Variants in MAGI2 observed in about 807,000 individuals in gnomAD.
MAGI2 encodes the protein membrane associated guanylate kinase, WW and PDZ domain containing 2, also known as membrane-associated guanylate kinase, WW and PDZ domain-containing protein 2.
Under a neutral mutation model 133.3 loss-of-function variants are expected in MAGI2, and 35 were observed. The observed-to-expected ratio is 0.26, with a 90% confidence interval of 0.20 to 0.35. The LOEUF (loss-of-function observed/expected upper bound fraction) is 0.35, where lower values mean the gene tolerates loss of function less well. MAGI2 is among the 10% of genes least tolerant of loss of function. MAGI2 has a pLI of 1.00. For synonymous variants in MAGI2, 729 were observed against 710.6 expected, an observed-to-expected ratio of 1.03 and a Z score of -0.41; for missense variants, 1,636 against 1,863.4, an observed-to-expected ratio of 0.88 and a Z score of 2.25.
intron 1 of MAGI2, among the ~76,000 whole-genome samples, chr7:79,348,441 T>C (rs1256224792): frequency 1.3e-4 from 19 of 151,890 alleles, no homozygotes; most frequent in Admixed American, 1.2e-3. Flanking sequence ...TACATAACTA[T>C]AGTTTGGATT....
chr7:79,234,900 C>G (rs1831736125), intron 1 of MAGI2, among the ~76,000 whole-genome samples: 1 of 151,946 alleles, frequency 6.6e-6, no homozygotes, highest in Non-Finnish European at 1.5e-5. Flanking sequence ...TTTTTCTGTT[C>G]TGTTTTTTCC....
intron 2 of MAGI2, among the ~76,000 whole-genome samples, chr7:78,863,675 T>C (rs940373370): frequency 6.6e-6 from 1 of 152,174 alleles, no homozygotes; most frequent in Admixed American, 6.5e-5. Flanking sequence ...CTGATTAAGC[T>C]CTGAACTTTG....
chr7:78,385,022 G>T (rs569717605), intron 6 of MAGI2, among the ~76,000 whole-genome samples: 1 of 152,138 alleles, frequency 6.6e-6, no homozygotes, highest in Non-Finnish European at 1.5e-5. Context: ...TGCTTTTGCC[G>T]TGAAACGCAT....
At chr7:78,498,352 C>G (rs745330202) in intron 5 of MAGI2, among the ~76,000 whole-genome samples, 26 of 152,158 alleles carry the variant, frequency 1.7e-4, no homozygotes, top group Non-Finnish European at 3.7e-4. Flanking sequence ...CAATCACTGT[C>G]TCGTATTCTA....
chr7:78,961,442 C>T (rs1050334879), intron 2 of MAGI2, among the ~76,000 whole-genome samples: 2 of 152,084 alleles, frequency 1.3e-5, no homozygotes, highest in Non-Finnish European at 2.9e-5. Flanking sequence ...TTGGCTCTTA[C>T]TGGATTACGT....
intron 2 of MAGI2, chr7:78,901,411 C>T (rs371458144): frequency 6.6e-6 from 1 of 152,182 alleles, no homozygotes; most frequent in African/African-American, 2.4e-5. Flanking sequence ...TCCACGGTAC[C>T]GATGATAGCT....
chr7:78,544,947 C>G (rs902054714), intron 3 of MAGI2, among the ~76,000 whole-genome samples: 2 of 151,728 alleles, frequency 1.3e-5, no homozygotes, highest in African/African-American at 4.8e-5. Flanking sequence ...GCGTGAGCCA[C>G]CGCACCTGGC....
intron 2 of MAGI2, among the ~76,000 whole-genome samples, chr7:78,691,466 A>G (rs1350045963): frequency 1.3e-5 from 2 of 152,196 alleles, no homozygotes; most frequent in Non-Finnish European, 2.9e-5. Flanking sequence ...ATAACAGGGT[A>G]CTTAGATGAA....
At chr7:78,353,746 A>G (rs976591) in intron 7 of MAGI2, among the ~76,000 whole-genome samples, 137,821 of 152,198 alleles carry the variant, frequency 0.91, 62,589 homozygotes, top group African/African-American at 0.97. Context: ...GAGGTGCTCA[A>G]TAATATTCAA....
intron 20 of MAGI2, among the ~76,000 whole-genome samples, chr7:78,109,640 A>G (rs896012807): frequency 3.9e-5 from 6 of 152,172 alleles, no homozygotes; most frequent in African/African-American, 1.4e-4. Context: ...TCAAAACAAA[A>G]CAAAACAAAA....
intron 20 of MAGI2, among the ~76,000 whole-genome samples, chr7:78,119,904 AC>A (rs1820262457): frequency 6.6e-6 from 1 of 152,244 alleles, no homozygotes; most frequent in South Asian, 2.1e-4. Context: ...AAAATAAAAC[AC>A]AAAAAGTACC....
intron 6 of MAGI2, among the ~76,000 whole-genome samples, chr7:78,419,329 G>A (rs373086840): frequency 1.1e-4 from 16 of 152,174 alleles, no homozygotes; most frequent in East Asian, 5.8e-4. Context: ...GCAAGCCTGC[G>A]TTTTATAACT....
intron 2 of MAGI2, among the ~76,000 whole-genome samples, chr7:78,847,726 T>C (rs943975999): frequency 7.9e-5 from 12 of 152,130 alleles, no homozygotes; most frequent in Non-Finnish European, 1.5e-4. Flanking sequence ...CTGATCACTC[T>C]ATCTAAAATG....
intron 9 of MAGI2, among the ~76,000 whole-genome samples, chr7:78,308,531 T>G (rs2151089467): frequency 6.6e-6 from 1 of 152,166 alleles, no homozygotes; most frequent in East Asian, 1.9e-4. Context: ...ACCCATCTTT[T>G]TTTTTTTCTT....
chr7:79,337,086 A>G (rs748482331), intron 1 of MAGI2, among the ~76,000 whole-genome samples: 3 of 152,164 alleles, frequency 2.0e-5, no homozygotes, highest in Non-Finnish European at 4.4e-5. Context: ...GTATCCCATA[A>G]CATCATGTTA....
chr7:78,561,800 G>A (rs1697370815), intron 3 of MAGI2, among the ~76,000 whole-genome samples: 2 of 152,198 alleles, frequency 1.3e-5, no homozygotes, highest in South Asian at 4.1e-4. Flanking sequence ...GGCAGGAAAG[G>A]TTGCAGGGGA....
intron 3 of MAGI2, among the ~76,000 whole-genome samples, chr7:78,570,897 G>C (rs1801431153): frequency 6.6e-6 from 1 of 152,084 alleles, no homozygotes; most frequent in Non-Finnish European, 1.5e-5. Flanking sequence ...CTTAGTTCTT[G>C]ACATTGCAAG....
intron 2 of MAGI2, among the ~76,000 whole-genome samples, chr7:78,729,144 A>C (rs1248092173): frequency 6.6e-6 from 1 of 152,192 alleles, no homozygotes; most frequent in Non-Finnish European, 1.5e-5. Flanking sequence ...TCTTGTGATT[A>C]AAAATAGGAA....
intron 3 of MAGI2, among the ~76,000 whole-genome samples, chr7:78,522,567 A>T (rs1796597418): frequency 6.6e-6 from 1 of 152,008 alleles, no homozygotes; most frequent in African/African-American, 2.4e-5. Flanking sequence ...TTTAGTAGAG[A>T]TAGGGTTTTG....
Sources: allele counts gnomAD v4.1 joint callset (sites outside exome capture counted in the v4.1 genomes callset), GRCh38; gene constraint gnomAD v4.1.1; transcripts MANE v1.5; gene names NCBI Gene and HGNC (gene_info 2026-07-23, HGNC 2026-07-21).